PTPRD: variants seen among roughly 807,000 people sequenced by gnomAD.
The protein encoded by PTPRD is receptor-type tyrosine-protein phosphatase delta.
A neutral mutation model predicts 214.5 loss-of-function variants in PTPRD; 34 were observed. The ratio of observed to expected loss-of-function variants is 0.16; its 90% CI spans 0.12 to 0.21. PTPRD has a LOEUF of 0.21. PTPRD is among the 10% of genes least tolerant of loss of function. The pLI, the probability that PTPRD is intolerant of heterozygous loss-of-function variation, is 1.00. For missense variants in PTPRD, 2,545 were observed against 2,398.7 expected (o/e 1.06, Z -1.27); for synonymous variants, 1,128 against 845.7 (o/e 1.33, Z -5.79).
chr9:8,932,030 G>C (rs2098956476), intron 11 of PTPRD, among the ~76,000 whole-genome samples: 1 of 152,072 alleles, frequency 6.6e-6, no homozygotes, highest in Non-Finnish European at 1.5e-5. Context: ...ATTTTTTAGT[G>C]TGTCCATTTG....
chr9:10,340,511 G>A (rs1427564430), intron 3 of PTPRD, among the ~76,000 whole-genome samples: 3 of 151,822 alleles, frequency 2.0e-5, no homozygotes, highest in Admixed American at 2.0e-4. Context: ...TGCCAAAGGT[G>A]AACATCTTCA....
chr9:9,824,507 A>G (rs2051983904), intron 5 of PTPRD, among the ~76,000 whole-genome samples: 2 of 151,988 alleles, frequency 1.3e-5, no homozygotes, highest in Non-Finnish European at 2.9e-5. Flanking sequence ...TAAAATATAT[A>G]AAGTTTTACT....
At chr9:8,907,017 G>A (rs538377280) in intron 11 of PTPRD, among the ~76,000 whole-genome samples, 2 of 152,168 alleles carry the variant, frequency 1.3e-5, no homozygotes, top group African/African-American at 4.8e-5. Context: ...ATTGAAAACT[G>A]CCGAAATTTT....
intron 43 of PTPRD, among the ~76,000 whole-genome samples, chr9:8,335,271 G>C (rs1845479872): frequency 6.6e-6 from 1 of 151,222 alleles, no homozygotes; most frequent in Admixed American, 6.6e-5. Flanking sequence ...GAATCCAGCA[G>C]CACATCAAAA....
chr9:9,048,553 C>T (rs889831473), intron 10 of PTPRD, among the ~76,000 whole-genome samples: 2 of 152,098 alleles, frequency 1.3e-5, no homozygotes, highest in African/African-American at 4.8e-5. Context: ...AAGCCAGACA[C>T]AGAAAGACTA....
intron 14 of PTPRD, among the ~76,000 whole-genome samples, chr9:8,605,575 G>T (rs937038602): frequency 1.3e-5 from 2 of 152,148 alleles, no homozygotes; most frequent in African/African-American, 4.8e-5. Context: ...GAGTCTTTAG[G>T]CAAGTTACTA....
chr9:9,814,492 A>G (rs2048134568), intron 5 of PTPRD, among the ~76,000 whole-genome samples: 1 of 152,216 alleles, frequency 6.6e-6, no homozygotes, highest in African/African-American at 2.4e-5. Context: ...TACACTAACA[A>G]TTAACTATCT....
In PTPRD at chr9:10,590,437, A is replaced by G. The variant is rs559487808; in HGVS notation, c.-600+21961T>C. ...AGAGATAGAATATATTTATTATCCT[A>G]AAATTACCACTTGCTCCTTTATAGT... On this transcript the variant is annotated intron_variant, in intron 2 of 45. Transcript: ENST00000381196. Among the ~76,000 whole-genome samples, 5 of 152,114 alleles carry G rather than the reference A, an allele frequency of 3.3e-5. No homozygotes were observed. In the South Asian group the frequency reaches 8.3e-4, roughly 25 times the overall value.
intron 7 of PTPRD, among the ~76,000 whole-genome samples, chr9:9,675,477 T>C (rs1325575623): frequency 2.0e-5 from 3 of 151,376 alleles, no homozygotes; most frequent in Admixed American, 6.6e-5. Context: ...ATATGATAAA[T>C]ACAAGAAATT....
intron 11 of PTPRD, among the ~76,000 whole-genome samples, chr9:8,828,213 A>G (rs1265207997): frequency 2.6e-5 from 4 of 152,218 alleles, no homozygotes; most frequent in Non-Finnish European, 5.9e-5. Context: ...AAACATGACT[A>G]TGCACAATGG....
intron 11 of PTPRD, among the ~76,000 whole-genome samples, chr9:8,998,501 A>C (rs545099867): frequency 1.3e-5 from 2 of 152,100 alleles, no homozygotes; most frequent in South Asian, 2.1e-4. Flanking sequence ...AGAAAAGAAA[A>C]ATTTCTGTAA....
chr9:8,702,885 G>A (rs1325594149), intron 12 of PTPRD, among the ~76,000 whole-genome samples: 1 of 152,238 alleles, frequency 6.6e-6, no homozygotes, highest in African/African-American at 2.4e-5. Context: ...GGGATTACAG[G>A]CGTGAGCCAC....
intron 12 of PTPRD, among the ~76,000 whole-genome samples, chr9:8,713,137 A>C (rs1259059537): frequency 2.0e-5 from 3 of 152,172 alleles, no homozygotes; most frequent in Non-Finnish European, 2.9e-5. Context: ...AAACAACAAC[A>C]ACGATAACAA....
chr9:8,741,358 T>G (rs1001438300), intron 11 of PTPRD, among the ~76,000 whole-genome samples: 2 of 152,142 alleles, frequency 1.3e-5, no homozygotes, highest in Non-Finnish European at 2.9e-5. Flanking sequence ...TCTAGTTTTA[T>G]GTGATGCCAG....
intron 9 of PTPRD, among the ~76,000 whole-genome samples, chr9:9,253,258 A>C (rs1241851495): frequency 6.6e-6 from 1 of 152,066 alleles, no homozygotes; most frequent in Non-Finnish European, 1.5e-5. Flanking sequence ...TAAAAATCTA[A>C]AGTATCTATG....
intron 11 of PTPRD, among the ~76,000 whole-genome samples, chr9:8,840,059 G>T (rs1342886469): frequency 6.6e-6 from 1 of 152,176 alleles, no homozygotes; most frequent in African/African-American, 2.4e-5. Context: ...TCTATAATGA[G>T]ATTATATTAC....
chr9:8,605,414 C>T (rs536367974), intron 14 of PTPRD, among the ~76,000 whole-genome samples: 1 of 152,292 alleles, frequency 6.6e-6, no homozygotes, highest in East Asian at 1.9e-4. Flanking sequence ...TTTTCTACCT[C>T]ACCAAAACCA....
At chr9:10,564,535 C>T (rs1481279040) in intron 2 of PTPRD, among the ~76,000 whole-genome samples, 2 of 151,884 alleles carry the variant, frequency 1.3e-5, no homozygotes, top group African/African-American at 4.8e-5. Flanking sequence ...GTGATTCTTT[C>T]CAAGGGCAGA....
At chr9:9,545,352 C>T (rs898366526) in intron 8 of PTPRD, among the ~76,000 whole-genome samples, 3 of 151,744 alleles carry the variant, frequency 2.0e-5, no homozygotes, top group African/African-American at 7.3e-5. Context: ...TTTTTAATGT[C>T]TCCACAGTTT....
Sources: allele counts gnomAD v4.1 joint callset (sites outside exome capture counted in the v4.1 genomes callset), GRCh38; gene constraint gnomAD v4.1.1; transcripts MANE v1.5; gene names NCBI Gene and HGNC (gene_info 2026-07-23, HGNC 2026-07-21).